The following GRK5 variants were observed in gnomAD, a reference collection of about 807,000 sequenced individuals.
GRK5 encodes the protein G protein-coupled receptor kinase 5, also known as g protein-coupled receptor kinase GRK5.
GRK5 carries 40 observed loss-of-function variants against 78.4 expected under a neutral mutation model. That is an observed-to-expected ratio of 0.51 (90% CI 0.40 to 0.66). GRK5 has a LOEUF of 0.66. Ranked by LOEUF, GRK5 falls within the 30% of genes least tolerant of loss-of-function variation. The pLI, the probability that GRK5 is intolerant of heterozygous loss-of-function variation, is 0.00. For missense variants in GRK5, 598 were observed against 759.9 expected (o/e 0.79, Z 2.50); for synonymous variants, 289 against 296.8 (o/e 0.97, Z 0.27).
chr10:119,246,247 C>G lies in GRK5; in HGVS notation c.52+38278C>G, dbSNP rs557847180. The stretch of plus-strand genomic sequence containing the variant: ...ACTTATGCACATCATCATCCAAACT[C>G]TAATCTCTGGATTACTTATAATACC... On this transcript the variant is annotated intron_variant, in intron 1 of 15. Coordinates refer to ENST00000392870, the MANE Select transcript of GRK5 (RefSeq NM_005308.3). 3.0e-4 allele frequency among the ~76,000 whole-genome samples: 46 copies of G among 152,168 alleles called. 2 individuals are homozygous for G. The highest frequency in any genetic ancestry group is 1.1e-3 in the African/African-American group (45 of 41,534).
chr10:119,293,329 G>T (rs78491023), intron 1 of GRK5, among the ~76,000 whole-genome samples: 3,243 of 152,282 alleles, frequency 0.021, 69 homozygotes, highest in East Asian at 0.064. Context: ...AGACCAGTGG[G>T]TGCTTTTCTC....
chr10:119,248,183 T>A (rs1849144757), intron 1 of GRK5, among the ~76,000 whole-genome samples: 1 of 152,098 alleles, frequency 6.6e-6, no homozygotes, highest in African/African-American at 2.4e-5. Context: ...AGCCAATTTT[T>A]AAATTTTTGT....
intron 1 of GRK5, among the ~76,000 whole-genome samples, chr10:119,224,207 G>C (rs1382673972): frequency 6.6e-6 from 1 of 152,018 alleles, no homozygotes; most frequent in Non-Finnish European, 1.5e-5. Flanking sequence ...CCAGAACCCT[G>C]CCCTCCAGAT....
intron 2 of GRK5, among the ~76,000 whole-genome samples, chr10:119,329,614 CA>C (rs951411908): frequency 2.1e-4 from 32 of 152,082 alleles, no homozygotes; most frequent in African/African-American, 7.5e-4. Flanking sequence ...CCTGTAATCC[CA>C]GCTACTCGGG....
chr10:119,445,197 G>A lies in GRK5; in HGVS notation c.1266+1445G>A, dbSNP rs578254327. ...CCGGAGGAGCAGTGCAGCACTGGTC[G>A]GGTAAATGGAAATGTGGGTGTGAGC... On this transcript the variant is annotated intron_variant, in intron 12 of 15. Coordinates refer to ENST00000392870, the MANE Select transcript of GRK5 (RefSeq NM_005308.3). The surrounding 1 kb of genome is among the most constrained non-coding windows in gnomAD (Gnocchi z 4.1). Among the ~76,000 whole-genome samples, 4 of 152,192 alleles carry A rather than the reference G, an allele frequency of 2.6e-5. No individual in the cohort carries two copies. Among genetic ancestry groups the A allele is most frequent in the Non-Finnish European group, 4.4e-5 (3 of 68,022 alleles).
At chr10:119,369,106 T>TAATGC (rs1341852743) in intron 2 of GRK5, among the ~76,000 whole-genome samples, 2 of 152,308 alleles carry the variant, frequency 1.3e-5, no homozygotes, top group East Asian at 3.9e-4. Flanking sequence ...ACCTTACAGT[T>TAATGC]AATGCAGTGT....
At chr10:119,221,865 C>T (rs1848660329) in intron 1 of GRK5, among the ~76,000 whole-genome samples, 2 of 152,174 alleles carry the variant, frequency 1.3e-5, no homozygotes, top group Non-Finnish European at 2.9e-5. Context: ...CATCCCTCAC[C>T]TCTGAGTAAT....
rs149518142 is a variant in GRK5, at chr10:119,388,054, C to T, written c.261+7127C>T. 5.6e-3 allele frequency among the ~76,000 whole-genome samples: 848 copies of T among 151,708 alleles called. 13 individuals are homozygous for T. Among genetic ancestry groups the T allele is most frequent in the African/African-American group, 0.02 (813 of 41,338 alleles). ...TAGCCTCAAACTCTTAGGCCCAAAGCGAATCCTCCCACCTCAGCCTCCTGA... is the reference window on the plus strand; with the variant it reads ...TAGCCTCAAACTCTTAGGCCCAAAGTGAATCCTCCCACCTCAGCCTCCTGA... On this transcript the variant is annotated intron_variant, in intron 3 of 15. Transcript: ENST00000392870.
intron 4 of GRK5, among the ~76,000 whole-genome samples, chr10:119,401,599 G>T (rs1361433840): frequency 2.0e-5 from 3 of 152,320 alleles, no homozygotes; most frequent in African/African-American, 7.2e-5. Context: ...TCTGTCAAGG[G>T]TGTGGGCCAT....
intron 1 of GRK5, among the ~76,000 whole-genome samples, chr10:119,297,886 C>T (rs1235829849): frequency 6.6e-6 from 1 of 152,200 alleles, no homozygotes. Flanking sequence ...CTGGGTTGAA[C>T]TCAATGGAAA....
intron 3 of GRK5, among the ~76,000 whole-genome samples, chr10:119,387,153 C>T (rs867339913): frequency 6.6e-6 from 1 of 152,202 alleles, no homozygotes; most frequent in Middle Eastern, 3.4e-3. Context: ...TACAGGTGCG[C>T]ACCACCACAC....
In GRK5 at chr10:119,389,801, AACACACAC is replaced by A. The variant is rs66652162; in HGVS notation, c.262-6865_262-6858del. Among the ~76,000 whole-genome samples the A allele has an allele frequency of 7.3e-3, 1,095 of 149,746 alleles. 11 individuals carry two copies. The highest frequency in any genetic ancestry group is 0.022 in the African/African-American group (888 of 40,820). On this transcript the variant is annotated intron_variant, in intron 3 of 15. Transcript: ENST00000392870. ...CAGTCAGCACCCAGAGATCATGAGC[AACACACAC>A]ACACACACACACACACACACACACA... is the stretch of plus-strand genomic sequence containing the variant.
At position 119,436,557 on chromosome 10, in the gene GRK5, C is replaced by T; in HGVS notation, c.739-94C>T. 11 of 1,260,258 alleles carry T rather than the reference C, an allele frequency of 8.7e-6. No individual in the cohort carries two copies. The South Asian group carries it at 1.4e-4, about 16-fold the overall frequency. The allele number at this position is 1,260,258 out of a possible 1,614,324, so 78.1% of individuals were successfully genotyped here. On this transcript the variant is annotated intron_variant, in intron 8 of 15. Transcript: ENST00000392870. ...GGGAGCAGGGTGAGGCTCCTCTGTT[C>T]CCTCACACCCCAGCTCCCAGGATCC... is the stretch of plus-strand genomic sequence containing the variant.
chr10:119,369,645 CT>C (rs1851514387), intron 2 of GRK5, among the ~76,000 whole-genome samples: 1 of 152,172 alleles, frequency 6.6e-6, no homozygotes, highest in Non-Finnish European at 1.5e-5. Flanking sequence ...GGTGTGTTTC[CT>C]TTTTGCCCCG....
At chr10:119,355,075 G>A (rs1181488692) in intron 2 of GRK5, among the ~76,000 whole-genome samples, 1 of 152,110 alleles carries the variant, frequency 6.6e-6, no homozygotes, top group Non-Finnish European at 1.5e-5. Context: ...CTAGTTCAAT[G>A]TAAATGCTAT....
chr10:119,248,684 T>A (rs1849152050), intron 1 of GRK5, among the ~76,000 whole-genome samples: 1 of 152,130 alleles, frequency 6.6e-6, no homozygotes. Flanking sequence ...GAGGCAAGAC[T>A]GATTTTTTCA....
At chr10:119,313,056 A>ATGATGGTGGTGGTGATGG (rs1400643667) in intron 1 of GRK5, among the ~76,000 whole-genome samples, 4 of 123,180 alleles carry the variant, frequency 3.2e-5, no homozygotes, top group African/African-American at 1.2e-4. Context: ...GGTGGTAATG[A>ATGATGGTGGTGGTGATGG]TGATGGTGGT....
chr10:119,234,813 C>T (rs1848893455), intron 1 of GRK5, among the ~76,000 whole-genome samples: 1 of 151,838 alleles, frequency 6.6e-6, no homozygotes, highest in Middle Eastern at 3.2e-3. Context: ...CTGCCTCAGC[C>T]TCCCGAATAC....
At chr10:119,308,584 G>A (rs1038174928) in intron 1 of GRK5, among the ~76,000 whole-genome samples, 1 of 152,220 alleles carries the variant, frequency 6.6e-6, no homozygotes, top group African/African-American at 2.4e-5. Context: ...AAGTTAGGAG[G>A]CGTGTGTTTT....
Sources: allele counts gnomAD v4.1 joint callset (sites outside exome capture counted in the v4.1 genomes callset), GRCh38; gene constraint gnomAD v4.1.1; non-coding constraint Gnocchi (gnomAD v3.1); transcripts MANE v1.5; gene names NCBI Gene and HGNC (gene_info 2026-07-23, HGNC 2026-07-21).